Variants in PLEKHA5 observed in about 807,000 individuals in gnomAD.
The protein encoded by PLEKHA5 is pleckstrin homology domain containing A5.
PLEKHA5 carries 55 observed loss-of-function variants against 181.9 expected under a neutral mutation model. The ratio of observed to expected loss-of-function variants is 0.30; its 90% CI spans 0.24 to 0.38. PLEKHA5 has a LOEUF of 0.38. Among genes scored for constraint, PLEKHA5 ranks in the 10% least tolerant of loss-of-function variants. PLEKHA5 has a pLI of 1.00. For synonymous variants in PLEKHA5, 535 were observed against 529.4 expected, an observed-to-expected ratio of 1.01 and a Z score of -0.15; for missense variants, 1,432 against 1,549.5, an observed-to-expected ratio of 0.92 and a Z score of 1.27.
At chr12:19,160,727 GC>G (rs1477779359) in intron 3 of PLEKHA5, among the ~76,000 whole-genome samples, 2 of 152,032 alleles carry the variant, frequency 1.3e-5, no homozygotes, top group Non-Finnish European at 2.9e-5. Context: ...TGCCTTTTCA[GC>G]CTTCTTTTGT....
intron 3 of PLEKHA5, among the ~76,000 whole-genome samples, chr12:19,246,439 A>G (rs1241469228): frequency 2.6e-5 from 4 of 151,768 alleles, no homozygotes; most frequent in African/African-American, 9.7e-5. Context: ...CCTGGCTATG[A>G]TGGTGAAACC....
intron 8 of PLEKHA5, among the ~76,000 whole-genome samples, chr12:19,268,901 C>T (rs755345564): frequency 2.6e-5 from 4 of 152,056 alleles, no homozygotes; most frequent in Non-Finnish European, 2.9e-5. Flanking sequence ...AAGAAAACAC[C>T]ATTTCGGATC....
intron 20 of PLEKHA5, among the ~76,000 whole-genome samples, chr12:19,334,860 A>C (rs1312986941): frequency 4.7e-5 from 3 of 63,680 alleles, no homozygotes; most frequent in Non-Finnish European, 1.1e-4. Flanking sequence ...ATATATATAT[A>C]TATATATATC....
chr12:19,283,331 G>A lies in PLEKHA5; in HGVS notation c.1365G>A (p.Gln455=), dbSNP rs762763422. The A allele has an allele frequency of 6.8e-6, 11 of 1,613,728 alleles. No homozygotes were observed. The South Asian group carries it at 1.1e-4, about 16-fold the overall frequency. The part of the protein sequence containing the change: ...LPRNMPSHRA[Q]IMARYPEGYR... ...GAAATATGCCAAGTCACAGAGCCCA[G>A]ATTATGGCCCGCTACCCTGAAGGTT... The change falls in exon 12 of 32, where the codon CAG becomes CAA. Residue 455 remains glutamine, a synonymous_variant. Coordinates refer to ENST00000429027, the MANE Select transcript of PLEKHA5 (RefSeq NM_001256470.2).
At chr12:19,192,208 G>A (rs2051308325) in intron 3 of PLEKHA5, among the ~76,000 whole-genome samples, 1 of 152,058 alleles carries the variant, frequency 6.6e-6, no homozygotes, top group Non-Finnish European at 1.5e-5. Flanking sequence ...TATAAAAGCA[G>A]TTAATTACAG....
At chr12:19,355,542 A>C (rs953819057) in intron 26 of PLEKHA5, among the ~76,000 whole-genome samples, 1 of 151,542 alleles carries the variant, frequency 6.6e-6, no homozygotes, top group Non-Finnish European at 1.5e-5. Context: ...TTTTATTAGT[A>C]GTGACGGGGT....
intron 20 of PLEKHA5, among the ~76,000 whole-genome samples, chr12:19,335,513 T>G (rs1273419513): frequency 6.6e-6 from 1 of 151,464 alleles, no homozygotes; most frequent in Non-Finnish European, 1.5e-5. Context: ...CCTCCCAGGT[T>G]CAAGCGATTC....
At chr12:19,263,337 A>G (rs543362100) in intron 7 of PLEKHA5, among the ~76,000 whole-genome samples, 2 of 152,302 alleles carry the variant, frequency 1.3e-5, no homozygotes, top group African/African-American at 4.8e-5. Context: ...AGGTCTCACA[A>G]TTCGCAAGTG....
rs560495898 is a variant in PLEKHA5 at position 19,129,786 on chromosome 12, G to A, written c.-14G>A. Reference sequence around the variant, plus strand: ...GCAGCAGGAGAAGGCGGCGGCGGCGGCTAGGGATCAGACATGGCGGCGGAT... The same window carrying A: ...GCAGCAGGAGAAGGCGGCGGCGGCGACTAGGGATCAGACATGGCGGCGGAT... On this transcript the variant is annotated 5_prime_UTR_variant, in exon 1 of 32. Coordinates refer to ENST00000429027, the MANE Select transcript of PLEKHA5 (RefSeq NM_001256470.2). 1.9e-6 allele frequency: 3 copies of A among 1,586,774 alleles called. No homozygotes were observed. The highest frequency in any genetic ancestry group is 2.2e-5 in the South Asian group (2 of 89,248).
intron 3 of PLEKHA5, among the ~76,000 whole-genome samples, chr12:19,189,216 A>G (rs921764992): frequency 1.3e-5 from 2 of 152,226 alleles, no homozygotes; most frequent in African/African-American, 2.4e-5. Context: ...CACACTGTGC[A>G]GGACCAAGTA....
At chr12:19,270,757 G>A (rs759882019) in intron 10 of PLEKHA5, among the ~76,000 whole-genome samples, 1 of 152,110 alleles carries the variant, frequency 6.6e-6, no homozygotes, top group Non-Finnish European at 1.5e-5. Flanking sequence ...TGACAGCTGA[G>A]CACATATCTT....
chr12:19,186,485 A>G (rs2049887942), intron 3 of PLEKHA5, among the ~76,000 whole-genome samples: 1 of 152,218 alleles, frequency 6.6e-6, no homozygotes, highest in South Asian at 2.1e-4. Flanking sequence ...TTGGATGGTA[A>G]TAACGTGAAT....
At chr12:19,178,845 C>T (rs1414606012) in intron 3 of PLEKHA5, among the ~76,000 whole-genome samples, 1 of 152,160 alleles carries the variant, frequency 6.6e-6, no homozygotes, top group African/African-American at 2.4e-5. Flanking sequence ...AAACAACTCT[C>T]AAAACACAAA....
intron 3 of PLEKHA5, among the ~76,000 whole-genome samples, chr12:19,220,991 C>A (rs2058850029): frequency 6.6e-6 from 1 of 152,090 alleles, no homozygotes; most frequent in Admixed American, 6.5e-5. Context: ...GGCTAAAATT[C>A]AAAAAACTGG....
At chr12:19,162,161 AC>A (rs1696953655) in intron 3 of PLEKHA5, among the ~76,000 whole-genome samples, 1 of 152,000 alleles carries the variant, frequency 6.6e-6, no homozygotes, top group South Asian at 2.1e-4. Context: ...TCATCTCTAG[AC>A]CCCTTTGATT....
chr12:19,207,538 C>G (rs970149277), intron 3 of PLEKHA5: 1 of 152,104 alleles, frequency 6.6e-6, no homozygotes, highest in African/African-American at 2.4e-5. Flanking sequence ...TTTGATGAAT[C>G]TCAGTAGTGC....
At chr12:19,215,327 T>C (rs942592247) in intron 3 of PLEKHA5, among the ~76,000 whole-genome samples, 2 of 152,178 alleles carry the variant, frequency 1.3e-5, no homozygotes, top group Admixed American at 6.5e-5. Context: ...AAATATGTTA[T>C]GAGTTATAAA....
At chr12:19,256,047 T>C (rs551467782) in intron 5 of PLEKHA5, among the ~76,000 whole-genome samples, 28 of 152,134 alleles carry the variant, frequency 1.8e-4, no homozygotes, top group African/African-American at 4.8e-4. Context: ...AATTTCCTTA[T>C]AATTAAAGAA....
At chr12:19,228,636 A>AG (rs2152354341) in intron 3 of PLEKHA5, among the ~76,000 whole-genome samples, 1 of 152,336 alleles carries the variant, frequency 6.6e-6, no homozygotes, top group Admixed American at 6.5e-5. Flanking sequence ...AGTTTTCCTC[A>AG]GACCTGATCC....
Sources: allele counts gnomAD v4.1 joint callset (sites outside exome capture counted in the v4.1 genomes callset), GRCh38; gene constraint gnomAD v4.1.1; transcripts MANE v1.5; gene names NCBI Gene and HGNC (gene_info 2026-07-23, HGNC 2026-07-21).